The following CEP128 variants were observed in gnomAD, a reference collection of about 807,000 sequenced individuals.
The protein encoded by CEP128 is centrosomal protein 128, also known as centrosomal protein 128kDa.
A neutral mutation model predicts 156.7 loss-of-function variants in CEP128; 132 were observed. That is an observed-to-expected ratio of 0.84 (90% CI 0.73 to 0.97). The LOEUF is 0.97. Among genes scored for constraint, CEP128 ranks in the 50% least tolerant of loss-of-function variants. The probability of loss-of-function intolerance (pLI) is 0.00; values close to 1 mark genes in which losing one functional copy is unlikely to be tolerated. For missense variants in CEP128, 1,252 were observed against 1,281.9 expected, an observed-to-expected ratio of 0.98 and a Z score of 0.36; for synonymous variants, 469 against 448.9, an observed-to-expected ratio of 1.04 and a Z score of -0.57.
chr14:80,928,614 A>C (rs1885277644), intron 2 of CEP128, among the ~76,000 whole-genome samples: 1 of 152,182 alleles, frequency 6.6e-6, no homozygotes, highest in Non-Finnish European at 1.5e-5. Context: ...AAGAATGAAT[A>C]GATATGAAGA....
At chr14:80,855,447 G>A (rs1797670) in intron 9 of CEP128, among the ~76,000 whole-genome samples, 48,265 of 151,878 alleles carry the variant, frequency 0.32, 8,664 homozygotes, top group Non-Finnish European at 0.4. Flanking sequence ...TGATCAATAC[G>A]AGAGTGATTT....
intron 14 of CEP128, among the ~76,000 whole-genome samples, chr14:80,786,002 T>A (rs1901388618): frequency 6.6e-6 from 1 of 152,088 alleles, no homozygotes; most frequent in Non-Finnish European, 1.5e-5. Flanking sequence ...TAGGGAAGCA[T>A]GCAGATACAA....
chr14:80,596,797 G>A (rs1206926564), intron 19 of CEP128, among the ~76,000 whole-genome samples: 1 of 96,004 alleles, frequency 1.0e-5, no homozygotes, highest in Non-Finnish European at 1.8e-5. Context: ...ACTCTAGTCT[G>A]AGTAACAGTG....
At chr14:80,811,810 C>T (rs567854192) in intron 13 of CEP128, among the ~76,000 whole-genome samples, 24 of 17,980 alleles carry the variant, frequency 1.3e-3, no homozygotes, top group Middle Eastern at 0.056. Context: ...TGTGTGCACA[C>T]GCATGTATTA....
chr14:80,927,893 A>T (rs993591446), intron 2 of CEP128, among the ~76,000 whole-genome samples: 1 of 152,196 alleles, frequency 6.6e-6, no homozygotes, highest in Non-Finnish European at 1.5e-5. Context: ...GATAAGCTTC[A>T]TAAGATTTCT....
At chr14:80,493,139 T>G (rs917254439), downstream of CEP128, among the ~76,000 whole-genome samples, 1 of 152,148 alleles carries the variant, frequency 6.6e-6, no homozygotes, top group African/African-American at 2.4e-5. Flanking sequence ...GGGCGACAAG[T>G]TGTGGGGTCC....
chr14:80,836,208 T>A lies in CEP128; in HGVS notation c.1054A>T (p.Arg352Ter). Residue 352 changes from arginine to a stop codon, truncating the protein, a stop_gained, in exon 12 of 25, where the codon AGA (arginine) becomes TGA (stop). Transcript: ENST00000555265. LOFTEE classifies it high-confidence loss of function. ...DEQGEDWRFR[R>*]GVEREKQDLE... Reference sequence around the variant, plus strand: ...TTAGGTACAAATCTACTTTTACCTCTCCTAAATCTCCAGTCCTCCCCTTGT... The same window carrying A: ...TTAGGTACAAATCTACTTTTACCTCACCTAAATCTCCAGTCCTCCCCTTGT... The A allele has an allele frequency of 1.2e-6, 2 of 1,613,966 alleles. No individual in the cohort carries two copies. Among genetic ancestry groups the A allele is most frequent in the Non-Finnish European group, 1.7e-6 (2 of 1,179,890 alleles).
chr14:80,670,258 A>G (rs1389802955), intron 19 of CEP128, among the ~76,000 whole-genome samples: 1 of 152,214 alleles, frequency 6.6e-6, no homozygotes, highest in Non-Finnish European at 1.5e-5. Context: ...GAATCATTAT[A>G]TAAAAAAGAT....
intron 13 of CEP128, among the ~76,000 whole-genome samples, chr14:80,820,422 A>G (rs1252993021): frequency 6.6e-6 from 1 of 152,180 alleles, no homozygotes; most frequent in African/African-American, 2.4e-5. Flanking sequence ...GGCAGACCCA[A>G]AGCTATGTTA....
Position 80,664,460 on chromosome 14 carries a change from G to T in CEP128, c.2806+78615C>A, listed in dbSNP as rs567907850. Among the ~76,000 whole-genome samples, 6 of 150,978 alleles carry T rather than the reference G, an allele frequency of 4.0e-5. No homozygotes were observed. The South Asian group carries it at 1.3e-3, about 32-fold the overall frequency. On this transcript the variant is annotated intron_variant, in intron 19 of 24. Transcript: ENST00000555265. ...GCAAGCTGATATTCTGGCTAAAAAA[G>T]AGGTCACAAAGCAGAGACAGAATAT...
At chr14:80,861,948 T>C (rs1887533947) in intron 9 of CEP128, among the ~76,000 whole-genome samples, 1 of 152,150 alleles carries the variant, frequency 6.6e-6, no homozygotes, top group African/African-American at 2.4e-5. Context: ...ATTACATATA[T>C]GTGGATGTAT....
rs1012253675 is a variant in CEP128 at position 80,895,602 on chromosome 14, C to A, written c.645+116G>T. ...AGAGCTACAAGAACACACTTTTAGA[C>A]AAAATGGGACATACCACCCAAAAGG... On this transcript the variant is annotated intron_variant, in intron 8 of 24. Coordinates refer to ENST00000555265, the MANE Select transcript of CEP128 (RefSeq NM_152446.5). 9 of 596,366 alleles carry A rather than the reference C, an allele frequency of 1.5e-5. No individual in the cohort carries two copies. The African/African-American group carries it at 1.7e-4, about 11-fold the overall frequency. The allele number at this position is 596,366 out of a possible 1,614,324, so 36.9% of individuals were successfully genotyped here. A position where few individuals can be genotyped will look rare whatever the true frequency, so the allele number is the denominator to read the frequency against.
At chr14:80,741,193 C>T (rs1487707196) in intron 19 of CEP128, among the ~76,000 whole-genome samples, 1 of 152,132 alleles carries the variant, frequency 6.6e-6, no homozygotes, top group African/African-American at 2.4e-5. Flanking sequence ...TTCATATTCA[C>T]TAGCATTTTG....
Position 80,905,759 on chromosome 14 carries a change from A to G in CEP128, c.361+196T>C, listed in dbSNP as rs189647503. On this transcript the variant is annotated intron_variant, in intron 5 of 24. Coordinates refer to ENST00000555265, the MANE Select transcript of CEP128 (RefSeq NM_152446.5). ...AATGTGGTCTACAGAGTTTGAGAAA[A>G]AAAAAAAAACAATATAACAACAAAG... The G allele has an allele frequency of 5.8e-5, 29 of 501,602 alleles. 1 individual carries two copies. The highest frequency in any genetic ancestry group is 5.7e-4 in the African/African-American group (28 of 49,284). 31.1% of individuals were successfully genotyped at this position (501,602 alleles called of 1,614,324 possible). A position where few individuals can be genotyped will look rare whatever the true frequency, so the allele number is the denominator to read the frequency against.
chr14:80,714,788 T>C (rs1897542500), intron 19 of CEP128, among the ~76,000 whole-genome samples: 1 of 151,210 alleles, frequency 6.6e-6, no homozygotes, highest in Admixed American at 6.6e-5. Context: ...AGATCAAGAC[T>C]TAAAAAAAAA....
chr14:80,669,867 G>A (rs903856493), intron 19 of CEP128, among the ~76,000 whole-genome samples: 35 of 152,136 alleles, frequency 2.3e-4, no homozygotes, highest in African/African-American at 8.2e-4. Flanking sequence ...TATTTCATAA[G>A]AAAAGAGGTT....
In CEP128 at chr14:80,630,478, C is replaced by T. The variant is rs535154580; in HGVS notation, c.2807-50055G>A. Among the ~76,000 whole-genome samples, 33 of 151,930 alleles carry T rather than the reference C, an allele frequency of 2.2e-4. No homozygotes were observed. In the South Asian group the frequency reaches 6.6e-3, roughly 31 times the overall value. On this transcript the variant is annotated intron_variant, in intron 19 of 24. Coordinates refer to ENST00000555265, the MANE Select transcript of CEP128 (RefSeq NM_152446.5). ...TAGTATTTATGGGTAGTCAGTGTAA[C>T]GGTTTACATTATGAAAGATTCTTTA...
chr14:80,845,980 G>C (rs1002380079), intron 9 of CEP128, among the ~76,000 whole-genome samples: 1 of 152,068 alleles, frequency 6.6e-6, no homozygotes, highest in Non-Finnish European at 1.5e-5. Flanking sequence ...CTATTGTCAG[G>C]CAGCTGTTCA....
At chr14:80,709,588 T>C (rs1244160618) in intron 19 of CEP128, among the ~76,000 whole-genome samples, 2 of 152,220 alleles carry the variant, frequency 1.3e-5, no homozygotes, top group African/African-American at 4.8e-5. Context: ...AAAATCTGAC[T>C]GTATGTGCAT....
Sources: allele counts gnomAD v4.1 joint callset (sites outside exome capture counted in the v4.1 genomes callset), GRCh38; gene constraint gnomAD v4.1.1; transcripts MANE v1.5; gene names NCBI Gene and HGNC (gene_info 2026-07-23, HGNC 2026-07-21).